PIP4K2A: variants seen among roughly 807,000 people sequenced by gnomAD.
PIP4K2A encodes the protein phosphatidylinositol-5-phosphate 4-kinase type 2 alpha, also known as phosphatidylinositol 5-phosphate 4-kinase type-2 alpha.
In PIP4K2A, 14 loss-of-function variants were observed where a neutral mutation model predicts 42.9. The ratio of observed to expected loss-of-function variants is 0.33; its 90% CI spans 0.22 to 0.51. PIP4K2A has a LOEUF of 0.51. PIP4K2A is among the 20% of genes least tolerant of loss of function. The probability of loss-of-function intolerance (pLI) is 0.97; values close to 1 mark genes in which losing one functional copy is unlikely to be tolerated. For synonymous variants in PIP4K2A, 192 were observed against 192.2 expected, an observed-to-expected ratio of 1.00 and a Z score of 0.01; for missense variants, 434 against 519.8, an observed-to-expected ratio of 0.83 and a Z score of 1.61.
chr10:22,677,759 T>A (rs1839586184), intron 1 of PIP4K2A, among the ~76,000 whole-genome samples: 1 of 152,240 alleles, frequency 6.6e-6, no homozygotes, highest in East Asian at 1.9e-4. Context: ...GTAACACAGA[T>A]TCTTCAAACC....
At chr10:22,581,222 G>T (rs1837270997) in intron 4 of PIP4K2A, among the ~76,000 whole-genome samples, 3 of 152,136 alleles carry the variant, frequency 2.0e-5, no homozygotes, top group Admixed American at 6.5e-5. Context: ...GACTCTGCAG[G>T]TCACCTGTAT....
chr10:22,605,513 A>G lies in PIP4K2A; in HGVS notation c.339+2414T>C, dbSNP rs1050865251. 4.6e-5 allele frequency among the ~76,000 whole-genome samples: 7 copies of G among 152,348 alleles called. No individual in the cohort carries two copies. The East Asian group carries it at 1.3e-3, about 29-fold the overall frequency. On this transcript the variant is annotated intron_variant, in intron 3 of 9. Coordinates refer to ENST00000376573, the MANE Select transcript of PIP4K2A (RefSeq NM_005028.5). ...TTTCAGCAACTAAATTGGTCATTTGAGGAAATTTTAAAAACTACTTTTCTC... is the reference window on the plus strand; with the variant it reads ...TTTCAGCAACTAAATTGGTCATTTGGGGAAATTTTAAAAACTACTTTTCTC...
intron 1 of PIP4K2A, among the ~76,000 whole-genome samples, chr10:22,711,891 T>C (rs1214219544): frequency 1.3e-5 from 2 of 152,150 alleles, no homozygotes; most frequent in African/African-American, 4.8e-5. Flanking sequence ...AAAAATAATA[T>C]AGTAAAGAAA....
intron 6 of PIP4K2A, among the ~76,000 whole-genome samples, chr10:22,555,041 C>A (rs957225363): frequency 1.3e-5 from 2 of 152,346 alleles, no homozygotes; most frequent in South Asian, 2.1e-4. Context: ...ACAAACACAG[C>A]CACAGGCATC....
rs183987115 is a variant in PIP4K2A, at chr10:22,699,920, T to C, written c.144+14263A>G. On this transcript the variant is annotated intron_variant, in intron 1 of 9. Coordinates refer to ENST00000376573, the MANE Select transcript of PIP4K2A (RefSeq NM_005028.5). ...AATAGAAAAATAAACAGTATTTTAG[T>C]GTAATTTCTAATAGATATATAATGG... Among the ~76,000 whole-genome samples the C allele has an allele frequency of 4.6e-3, 694 of 152,328 alleles. 1 individual carries two copies. Among genetic ancestry groups the C allele is most frequent in the Middle Eastern group, 0.02 (6 of 294 alleles).
intron 1 of PIP4K2A, among the ~76,000 whole-genome samples, chr10:22,680,630 C>T (rs926605809): frequency 2.6e-5 from 4 of 152,160 alleles, no homozygotes; most frequent in African/African-American, 4.8e-5. Flanking sequence ...CCCAAAACTT[C>T]ATGGCTTAAA....
intron 1 of PIP4K2A, among the ~76,000 whole-genome samples, chr10:22,664,178 T>TAC (rs1326480570): frequency 1.3e-4 from 10 of 75,928 alleles, no homozygotes; most frequent in African/African-American, 2.0e-4. Context: ...CATATATATA[T>TAC]ATACATATAT....
chr10:22,600,041 T>C (rs1474037021), intron 3 of PIP4K2A, among the ~76,000 whole-genome samples: 1 of 152,166 alleles, frequency 6.6e-6, no homozygotes, highest in Non-Finnish European at 1.5e-5. Flanking sequence ...GAAACATAAA[T>C]GTCAATTTAA....
intron 1 of PIP4K2A, among the ~76,000 whole-genome samples, chr10:22,634,967 G>A (rs555174044): frequency 6.6e-6 from 1 of 152,206 alleles, no homozygotes; most frequent in Admixed American, 6.5e-5. Context: ...GGATTTCAAA[G>A]ATGTAATCTA....
chr10:22,635,528 G>A (rs1306044427), intron 1 of PIP4K2A, among the ~76,000 whole-genome samples: 1 of 152,230 alleles, frequency 6.6e-6, no homozygotes, highest in Non-Finnish European at 1.5e-5. Flanking sequence ...AGGAGGAAAT[G>A]TTGGAGCCAG....
At chr10:22,561,195 A>G (rs45499093) in intron 6 of PIP4K2A, among the ~76,000 whole-genome samples, 5 of 152,226 alleles carry the variant, frequency 3.3e-5, no homozygotes, top group African/African-American at 4.8e-5. Context: ...TCAGAATTTG[A>G]CAATGGTTAT....
At chr10:22,596,413 A>G (rs1837637269) in intron 3 of PIP4K2A, among the ~76,000 whole-genome samples, 1 of 152,092 alleles carries the variant, frequency 6.6e-6, no homozygotes, top group Non-Finnish European at 1.5e-5. Flanking sequence ...TGCAGTGAAA[A>G]TAACACTTCA....
At chr10:22,640,124 A>C (rs1838751331) in intron 1 of PIP4K2A, among the ~76,000 whole-genome samples, 1 of 151,814 alleles carries the variant, frequency 6.6e-6, no homozygotes, top group South Asian at 2.1e-4. Flanking sequence ...CTATGAGTTA[A>C]ACAGGTGTTT....
At chr10:22,555,246 G>A (rs1286292414) in intron 6 of PIP4K2A, among the ~76,000 whole-genome samples, 1 of 151,708 alleles carries the variant, frequency 6.6e-6, no homozygotes, top group Non-Finnish European at 1.5e-5. Flanking sequence ...TTGTAGCTCC[G>A]CAACTCCAAT....
chr10:22,565,701 C>T (rs1353036188), intron 6 of PIP4K2A, among the ~76,000 whole-genome samples: 1 of 152,206 alleles, frequency 6.6e-6, no homozygotes, highest in East Asian at 1.9e-4. Flanking sequence ...ACTCTGACCA[C>T]CAGTGAGCCG....
At chr10:22,622,197 C>T (rs1301542569) in intron 1 of PIP4K2A, among the ~76,000 whole-genome samples, 2 of 152,196 alleles carry the variant, frequency 1.3e-5, no homozygotes, top group Non-Finnish European at 2.9e-5. Context: ...GGATTGTTAG[C>T]AGACAGAAGA....
chr10:22,648,879 T>C (rs1418825646), intron 1 of PIP4K2A, among the ~76,000 whole-genome samples: 3 of 152,226 alleles, frequency 2.0e-5, no homozygotes, highest in East Asian at 1.9e-4. Context: ...TCAGAGATAC[T>C]TGTGATCATC....
chr10:22,562,659 T>C (rs1836740831), intron 6 of PIP4K2A, among the ~76,000 whole-genome samples: 1 of 152,202 alleles, frequency 6.6e-6, no homozygotes, highest in African/African-American at 2.4e-5. Context: ...AGAGAAGGCA[T>C]GGCATGATCT....
At chr10:22,557,071 G>A (rs537223728) in intron 6 of PIP4K2A, among the ~76,000 whole-genome samples, 4 of 152,270 alleles carry the variant, frequency 2.6e-5, no homozygotes, top group Admixed American at 6.5e-5. Context: ...GCCTCTCAAC[G>A]GAATTACTTA....
Sources: allele counts gnomAD v4.1 joint callset (sites outside exome capture counted in the v4.1 genomes callset), GRCh38; gene constraint gnomAD v4.1.1; transcripts MANE v1.5; gene names NCBI Gene and HGNC (gene_info 2026-07-23, HGNC 2026-07-21).